RBAK: variants seen among roughly 807,000 people sequenced by gnomAD.
RBAK encodes the protein RB associated KRAB zinc finger.
A neutral mutation model predicts 65.8 loss-of-function variants in RBAK; 39 were observed. The ratio of observed to expected loss-of-function variants is 0.59; its 90% confidence interval spans 0.46 to 0.77. RBAK has a LOEUF of 0.77. Ranked by LOEUF, RBAK falls within the 30% of genes least tolerant of loss-of-function variation. The probability of loss-of-function intolerance (pLI) is 0.00; values close to 1 mark genes in which losing one functional copy is unlikely to be tolerated. For missense variants in RBAK, 884 were observed against 855.1 expected, an observed-to-expected ratio of 1.03 and a Z score of -0.42; for synonymous variants, 343 against 289.7, an observed-to-expected ratio of 1.18 and a Z score of -1.87.
chr7:5,052,232 A>T (rs1788132142), intron 2 of RBAK, among the ~76,000 whole-genome samples: 1 of 152,128 alleles, frequency 6.6e-6, no homozygotes, highest in South Asian at 2.1e-4. Context: ...CTTATAACGT[A>T]TTTGCATCTT....
In RBAK at chr7:5,064,766, T is replaced by A. The variant is rs761603098; in HGVS notation, c.1310T>A (p.Phe437Tyr). 1 of 1,614,006 alleles carries A rather than the reference T, an allele frequency of 6.2e-7. No homozygotes were observed. Among genetic ancestry groups the A allele is most frequent in the African/African-American group, 1.3e-5 (1 of 75,028 alleles). ...TATCAGTGTAGCGAGTGTGGGAAAT[T>A]CTTTTCTCGGGTGTCATACCTCACT... ...KPYQCSECGK[F>Y]FSRVSYLTIH... The change falls in exon 5 of 5, where the codon TTC (phenylalanine) becomes TAC (tyrosine). Residue 437 changes from phenylalanine (F) to tyrosine (Y), a missense_variant. Coordinates refer to ENST00000396912, the MANE Select transcript of RBAK (RefSeq NM_021163.4). This position sits in a 1 kb window ranked among gnomAD's most constrained non-coding sequence, Gnocchi z 6.3.
At chr7:5,051,456 T>C (rs1788115912) in intron 2 of RBAK, among the ~76,000 whole-genome samples, 2 of 152,196 alleles carry the variant, frequency 1.3e-5, no homozygotes, top group African/African-American at 4.8e-5. Context: ...TTCTATTAAA[T>C]ACCCATAGCA....
At chr7:5,062,646 A>G (rs1013788974) in intron 4 of RBAK, among the ~76,000 whole-genome samples, 2 of 152,134 alleles carry the variant, frequency 1.3e-5, no homozygotes, top group African/African-American at 4.8e-5. Context: ...TTAGGCAGTA[A>G]TTTCCTCTTC....
chr7:5,063,841 C>T lies in RBAK; in HGVS notation c.385C>T (p.Pro129Ser). The change falls in exon 5 of 5, where the codon CCT (proline) becomes TCT (serine). Residue 129 changes from proline (P) to serine (S), a missense_variant. Pro to Ser is a moderately conservative substitution (Grantham distance 74, BLOSUM62 -1). Coordinates refer to ENST00000396912, the MANE Select transcript of RBAK (RefSeq NM_021163.4). The part of the protein sequence containing the change: ...SQIYMETSLV[P>S]SSIIAHNCVS... ...AATTTACATGGAAACAAGCCTTGTT[C>T]CTTCAAGCATAATAGCTCATAATTG... 6.2e-7 allele frequency: 1 copy of T among 1,613,974 alleles called. No individual in the cohort carries two copies. Among genetic ancestry groups the T allele is most frequent in the Non-Finnish European group, 8.5e-7 (1 of 1,179,982 alleles).
rs1365454450 is a variant in RBAK, at chr7:5,067,986, T to A, written c.*2385T>A. On this transcript the variant is annotated 3_prime_UTR_variant, in exon 5 of 5. Coordinates refer to ENST00000396912, the MANE Select transcript of RBAK (RefSeq NM_021163.4). The stretch of plus-strand genomic sequence containing the variant: ...TAATCTTGGAGTAAGCAAAGGTTTA[T>A]TGAGACCCAAAAAGCATTAACCCAT... 6.6e-6 allele frequency: 1 copy of A among 152,206 alleles called. No individual in the cohort carries two copies. Among genetic ancestry groups the A allele is most frequent in the African/African-American group, 2.4e-5 (1 of 41,442 alleles). 9.4% of individuals were successfully genotyped at this position (152,206 alleles called of 1,614,324 possible).
At chr7:5,053,935 A>G (rs559680213) in intron 2 of RBAK, among the ~76,000 whole-genome samples, 5 of 152,076 alleles carry the variant, frequency 3.3e-5, no homozygotes, top group Non-Finnish European at 5.9e-5. Context: ...TTTCTTCCTT[A>G]TGGTTGTAAT....
Position 5,066,764 on chromosome 7 carries a change from G to A in RBAK, c.*1163G>A, listed in dbSNP as rs1779228875. On this transcript the variant is annotated 3_prime_UTR_variant, in exon 5 of 5. Coordinates refer to ENST00000396912, the MANE Select transcript of RBAK (RefSeq NM_021163.4). ...TCTTCACATGACACAGGGGAATCCT[G>A]ATTAGTCAAAATAATAATGATTTCA... is the stretch of plus-strand genomic sequence containing the variant. The A allele has an allele frequency of 6.6e-6, 1 of 152,140 alleles. No individual in the cohort carries two copies. Among genetic ancestry groups the A allele is most frequent in the African/African-American group, 2.4e-5 (1 of 41,440 alleles). 9.4% of individuals were successfully genotyped at this position (152,140 alleles called of 1,614,324 possible).
In RBAK at chr7:5,048,707, T is replaced by C. The variant is rs1026301917; in HGVS notation, c.15+616T>C. Among the ~76,000 whole-genome samples, 4 of 152,148 alleles carry C rather than the reference T, an allele frequency of 2.6e-5. No individual in the cohort carries two copies. The highest frequency in any genetic ancestry group is 9.7e-5 in the African/African-American group (4 of 41,408). Reference sequence around the variant, plus strand: ...ACTGCTATAGAGAAATAACCAAGACTGGGTCATTTATAAAGAAAAGAGGTT... The same window carrying C: ...ACTGCTATAGAGAAATAACCAAGACCGGGTCATTTATAAAGAAAAGAGGTT... On this transcript the variant is annotated intron_variant, in intron 2 of 4. Transcript: ENST00000396912. This position sits in a 1 kb window ranked among gnomAD's most constrained non-coding sequence, Gnocchi z 4.4.
chr7:5,054,610 T>C (rs1788185501), intron 2 of RBAK, among the ~76,000 whole-genome samples: 1 of 151,926 alleles, frequency 6.6e-6, no homozygotes, highest in South Asian at 2.1e-4. Context: ...TATATTTTTT[T>C]CTTTGTAGAG....
intron 2 of RBAK, among the ~76,000 whole-genome samples, chr7:5,052,629 G>A (rs1423697584): frequency 6.6e-6 from 1 of 152,102 alleles, no homozygotes; most frequent in Non-Finnish European, 1.5e-5. Flanking sequence ...GCTTACAATA[G>A]GATACTTTCA....
In RBAK at chr7:5,048,331, C is replaced by T. The variant is rs895507695; in HGVS notation, c.15+240C>T. Among the ~76,000 whole-genome samples the T allele has an allele frequency of 1.3e-5, 2 of 152,072 alleles. No homozygotes were observed. The highest frequency in any genetic ancestry group is 4.8e-5 in the African/African-American group (2 of 41,386). The stretch of plus-strand genomic sequence containing the variant: ...GGGATTACAGGCGTGCGCCACCATG[C>T]CCAACTAATTTTTTGTATTTTTAGA... On this transcript the variant is annotated intron_variant, in intron 2 of 4. Coordinates refer to ENST00000396912, the MANE Select transcript of RBAK (RefSeq NM_021163.4). The surrounding 1 kb of genome is among the most constrained non-coding windows in gnomAD (Gnocchi z 4.4).
chr7:5,069,145 C>G lies in RBAK; in HGVS notation c.*3544C>G, dbSNP rs748564699. ...TTTTTCTGCATGTGTGTTAAACTTT[C>G]CATAAAAGTTTTCTAAAATCACAAA... On this transcript the variant is annotated 3_prime_UTR_variant, in exon 5 of 5. Coordinates refer to ENST00000396912, the MANE Select transcript of RBAK (RefSeq NM_021163.4). 2.0e-5 allele frequency: 3 copies of G among 152,264 alleles called. No homozygotes were observed. Among genetic ancestry groups the G allele is most frequent in the Non-Finnish European group, 2.9e-5 (2 of 68,020 alleles). 9.4% of individuals were successfully genotyped at this position (152,264 alleles called of 1,614,324 possible). A position where few individuals can be genotyped will look rare whatever the true frequency, so the allele number is the denominator to read the frequency against.
intron 4 of RBAK, among the ~76,000 whole-genome samples, chr7:5,059,677 G>T (rs1039315522): frequency 6.6e-6 from 1 of 152,162 alleles, no homozygotes; most frequent in East Asian, 1.9e-4. Context: ...GACCACTCCA[G>T]TCTTTCCTTC....
Position 5,046,257 on chromosome 7 carries a change from C to T in RBAK, c.-184C>T, listed in dbSNP as rs1339718708. 1.9e-6 allele frequency: 1 copy of T among 515,420 alleles called. No individual in the cohort carries two copies. The highest frequency in any genetic ancestry group is 1.9e-5 in the Admixed American group (1 of 51,370). The allele number at this position is 515,420 out of a possible 1,614,324, so 31.9% of individuals were successfully genotyped here. On this transcript the variant is annotated 5_prime_UTR_variant, in exon 1 of 5. Coordinates refer to ENST00000396912, the MANE Select transcript of RBAK (RefSeq NM_021163.4). ...ACCCGCCTGGATTTGCCCCTTAGGC[C>T]CGGCCCGGGCCCCTCGGGAGCAGAA...
At chr7:5,052,455 T>G (rs1788136716) in intron 2 of RBAK, among the ~76,000 whole-genome samples, 1 of 152,230 alleles carries the variant, frequency 6.6e-6, no homozygotes. Context: ...TCTTCCTTCC[T>G]CTTGATTAAT....
chr7:5,069,043 G>C lies in RBAK; in HGVS notation c.*3442G>C, dbSNP rs1446957321. The C allele has an allele frequency of 6.6e-6, 1 of 152,190 alleles. No homozygotes were observed. Among genetic ancestry groups the C allele is most frequent in the Admixed American group, 6.5e-5 (1 of 15,276 alleles). The allele number at this position is 152,190 out of a possible 1,614,324, so 9.4% of individuals were successfully genotyped here. On this transcript the variant is annotated 3_prime_UTR_variant, in exon 5 of 5. Transcript: ENST00000396912. Reference sequence around the variant, plus strand: ...GGCTGAAAGGGGGCATTTATCTGGTGCTGGGAATAATCTGTTTCTAAACCT... The same window carrying C: ...GGCTGAAAGGGGGCATTTATCTGGTCCTGGGAATAATCTGTTTCTAAACCT...
intron 2 of RBAK, among the ~76,000 whole-genome samples, chr7:5,055,700 T>G (rs1788213420): frequency 6.6e-6 from 1 of 152,202 alleles, no homozygotes; most frequent in African/African-American, 2.4e-5. Flanking sequence ...TGGCATGTAA[T>G]TTTATGTTAT....
At chr7:5,059,618 CA>C (rs1474167461) in intron 4 of RBAK, among the ~76,000 whole-genome samples, 1 of 152,138 alleles carries the variant, frequency 6.6e-6, no homozygotes, top group Non-Finnish European at 1.5e-5. Flanking sequence ...TTATGCTTTA[CA>C]TTTGAACTGA....
chr7:5,046,820 G>A (rs1179449676), intron 1 of RBAK, among the ~76,000 whole-genome samples: 1 of 152,144 alleles, frequency 6.6e-6, no homozygotes, highest in African/African-American at 2.4e-5. Context: ...TGCCTCAGTT[G>A]CTAGGGGAAG....
Sources: gnomAD v4.1 joint callset for allele counts (sites outside exome capture counted in the v4.1 genomes callset) on GRCh38, gnomAD v4.1.1 for gene constraint, Gnocchi (gnomAD v3.1) non-coding constraint, MANE v1.5 for transcripts, NCBI Gene and HGNC (gene_info 2026-07-23, HGNC 2026-07-21) for gene names.